Variants in LUC7L2 observed in about 807,000 individuals in gnomAD.
The protein encoded by LUC7L2 is LUC7 like 2, pre-mRNA splicing factor.
LUC7L2 carries 25 observed loss-of-function variants against 52.8 expected under a neutral mutation model. The observed-to-expected ratio is 0.47, with a 90% confidence interval of 0.34 to 0.66. The LOEUF (loss-of-function observed/expected upper bound fraction) is 0.66. Ranked by LOEUF, LUC7L2 falls within the 30% of genes least tolerant of loss-of-function variation. The pLI, the probability that LUC7L2 is intolerant of heterozygous loss-of-function variation, is 0.01. For missense variants in LUC7L2, 328 were observed against 497.8 expected (o/e 0.66, Z 3.25); for synonymous variants, 144 against 160.9 (o/e 0.89, Z 0.80).
chr7:139,371,415 G>A, intron 1 of LUC7L2: 1 of 1,313,306 alleles, frequency 7.6e-7, no homozygotes, highest in Non-Finnish European at 1.1e-6. Context: ...ACATAGCATG[G>A]TCATCCACTC....
chr7:139,379,674 T>G (rs1800897933), intron 2 of LUC7L2, among the ~76,000 whole-genome samples: 1 of 146,828 alleles, frequency 6.8e-6, no homozygotes, highest in Non-Finnish European at 1.5e-5. Context: ...GTTCAAGTGA[T>G]TCTGCCTCAG....
chr7:139,389,622 A>AT (rs566878831), intron 2 of LUC7L2, among the ~76,000 whole-genome samples: 481 of 152,344 alleles, frequency 3.2e-3, no homozygotes, highest in Non-Finnish European at 5.2e-3. Flanking sequence ...AAATGGAAGC[A>AT]TTAGAAGTAG....
chr7:139,401,188 T>G (rs933619665), intron 3 of LUC7L2, among the ~76,000 whole-genome samples: 2 of 151,562 alleles, frequency 1.3e-5, no homozygotes, highest in Non-Finnish European at 2.9e-5. Context: ...AAAAGATAAG[T>G]TTTCCTGATG....
intron 1 of LUC7L2, among the ~76,000 whole-genome samples, chr7:139,369,443 G>A (rs1800330745): frequency 6.6e-6 from 1 of 152,148 alleles, no homozygotes; most frequent in Non-Finnish European, 1.5e-5. Context: ...AAACATGATA[G>A]CATTGGTCCC....
At chr7:139,407,381 C>T in intron 6 of LUC7L2, 31 bp downstream of exon 6, 1 of 1,584,718 alleles carries the variant, frequency 6.3e-7, no homozygotes, top group Middle Eastern at 1.7e-4. Flanking sequence ...TCACTTTATC[C>T]TCTTGTTCTT....
At chr7:139,417,419 T>C in intron 8 of LUC7L2, 119 bp from the exon 9 acceptor site, 1 of 1,271,906 alleles carries the variant, frequency 7.9e-7, no homozygotes, top group Non-Finnish European at 1.1e-6. Context: ...TTTAGCTGAC[T>C]TGGAATATAA....
At chr7:139,378,849 C>T (rs1165977320) in intron 2 of LUC7L2, among the ~76,000 whole-genome samples, 1 of 152,182 alleles carries the variant, frequency 6.6e-6, no homozygotes, top group African/African-American at 2.4e-5. Context: ...TTACGTGGTC[C>T]TCAAAACTCT....
intron 8 of LUC7L2, among the ~76,000 whole-genome samples, chr7:139,414,995 T>C (rs535999347): frequency 6.6e-6 from 1 of 151,910 alleles, no homozygotes; most frequent in Non-Finnish European, 1.5e-5. Flanking sequence ...CAAGTGATTC[T>C]TCTACCTTAG....
rs11346680 is a variant in LUC7L2, at chr7:139,377,825, CTT to C, written c.156+1690_156+1691del. 6.2e-4 allele frequency among the ~76,000 whole-genome samples: 61 copies of C among 98,296 alleles called. No individual in the cohort carries two copies. The East Asian group carries it at 0.011, about 18-fold the overall frequency. The allele number at this position is 98,296 out of a possible 152,430, so 64.5% of individuals were successfully genotyped here. On this transcript the variant is annotated intron_variant, in intron 2 of 9. Transcript: ENST00000354926. Reference sequence around the variant, plus strand: ...TACAGGCATGAGCTACCGCGCCTGGCTTTTTTTTTTTTTTTTTTTTTTGAGAC... The same window carrying C: ...TACAGGCATGAGCTACCGCGCCTGGCTTTTTTTTTTTTTTTTTTTTGAGAC...
At chr7:139,350,978 T>A (rs964684157) in intron 1 of LUC7L2, among the ~76,000 whole-genome samples, 2 of 152,072 alleles carry the variant, frequency 1.3e-5, no homozygotes, top group Non-Finnish European at 2.9e-5. Flanking sequence ...CTGGCCCACA[T>A]TCTTCTGTTT....
chr7:139,341,300 C>G (rs1411990354), intron 1 of LUC7L2: 2 of 1,527,156 alleles, frequency 1.3e-6, no homozygotes, highest in African/African-American at 2.7e-5. Context: ...TCTGTCCGAC[C>G]GTACCATTAG....
intron 2 of LUC7L2, among the ~76,000 whole-genome samples, chr7:139,390,215 GTCTCTCTC>G (rs5887929): frequency 0.38 from 57,031 of 148,710 alleles, 15,045 homozygotes; most frequent in African/African-American, 0.76. Context: ...CCAGTGCCCA[GTCTCTCTC>G]TCTCTCTCTC....
chr7:139,414,942 A>G (rs1223627493), intron 8 of LUC7L2, among the ~76,000 whole-genome samples: 1 of 151,812 alleles, frequency 6.6e-6, no homozygotes, highest in Non-Finnish European at 1.5e-5. Flanking sequence ...GCTGGAGTGC[A>G]GTGGCAAAAT....
intron 2 of LUC7L2, among the ~76,000 whole-genome samples, chr7:139,388,182 T>A (rs1171841412): frequency 1.3e-5 from 2 of 152,184 alleles, no homozygotes; most frequent in Non-Finnish European, 2.9e-5. Flanking sequence ...ATTCTCTCTC[T>A]CTTTCCAGTT....
chr7:139,386,707 C>T (rs1794214891), intron 2 of LUC7L2, among the ~76,000 whole-genome samples: 1 of 150,902 alleles, frequency 6.6e-6, no homozygotes, highest in African/African-American at 2.4e-5. Flanking sequence ...CGCCCGGCCA[C>T]TGGAAATATT....
At chr7:139,354,286 G>C (rs1057008630) in intron 1 of LUC7L2, among the ~76,000 whole-genome samples, 1 of 152,188 alleles carries the variant, frequency 6.6e-6, no homozygotes, top group Admixed American at 6.5e-5. Context: ...GTGAAATGCT[G>C]GGTCAGAACA....
chr7:139,403,222 A>G (rs1053565246), intron 4 of LUC7L2, among the ~76,000 whole-genome samples: 2 of 152,254 alleles, frequency 1.3e-5, no homozygotes, highest in South Asian at 2.1e-4. Flanking sequence ...TAATACATAC[A>G]TAAAGTTAAC....
chr7:139,359,727 A>G (rs1257751810), upstream of LUC7L2: 1 of 399,494 alleles, frequency 2.5e-6, no homozygotes, highest in Non-Finnish European at 4.4e-6. Context: ...TCAGTTAAGG[A>G]ACCAGAGTAT....
upstream of LUC7L2, among the ~76,000 whole-genome samples, chr7:139,357,432 T>TA (rs763155412): frequency 1.5e-4 from 23 of 151,926 alleles, no homozygotes; most frequent in African/African-American, 4.3e-4. Context: ...ACATCTAAAA[T>TA]AAAAAAAAGA....
Sources: allele counts gnomAD v4.1 joint callset (sites outside exome capture counted in the v4.1 genomes callset), GRCh38; gene constraint gnomAD v4.1.1; transcripts MANE v1.5; gene names NCBI Gene and HGNC (gene_info 2026-07-23, HGNC 2026-07-21).